The following PRXL2C variants were observed in gnomAD, a reference collection of about 807,000 sequenced individuals.
PRXL2C encodes the protein peroxiredoxin-like 2C.
In PRXL2C, 38 loss-of-function variants were observed where a neutral mutation model predicts 24.9. The ratio of observed to expected loss-of-function variants is 1.53; its 90% confidence interval spans 1.18 to 2.00. The LOEUF (loss-of-function observed/expected upper bound fraction) is 2.00, where lower values mean the gene tolerates loss of function less well. Ranked by LOEUF, PRXL2C falls within the 30% of genes most tolerant of loss-of-function variation. PRXL2C has a pLI of 0.00. For missense variants in PRXL2C, 294 were observed against 290.9 expected (o/e 1.01, Z -0.08); for synonymous variants, 98 against 117.2 (o/e 0.84, Z 1.06).
Position 96,641,803 on chromosome 9 carries a change from G to C in PRXL2C, c.637C>G (p.Gln213Glu), listed in dbSNP as rs1233920951. ...INSVLQLVGV[Q>E]HVNFTNRPSV... ...GGTCTGTTTGTAAAGTTCACATGCT[G>C]AACTCCTACAAGCTGTAAAACAGAG... The change falls in exon 6 of 6, where the codon CAG becomes GAG. Residue 213 changes from glutamine (Q) to glutamate (E), a missense_variant. Coordinates refer to ENST00000375234, the MANE Select transcript of PRXL2C (RefSeq NM_153698.2). The C allele has an allele frequency of 1.9e-6, 3 of 1,582,728 alleles. No individual in the cohort carries two copies. The African/African-American group carries it at 4.0e-5, about 21-fold the overall frequency.
At chr9:96,645,468 G>A (rs1848184659) in intron 5 of PRXL2C, among the ~76,000 whole-genome samples, 1 of 152,042 alleles carries the variant, frequency 6.6e-6, no homozygotes, top group African/African-American at 2.4e-5. Context: ...ATGCCAAGAT[G>A]TCCATTTGTA....
intron 5 of PRXL2C, among the ~76,000 whole-genome samples, chr9:96,645,263 T>A (rs1183170494): frequency 6.6e-6 from 1 of 151,846 alleles, no homozygotes; most frequent in Non-Finnish European, 1.5e-5. Context: ...TTCAGAAATG[T>A]TCATCTCCAC....
rs539877696 is a variant in PRXL2C at position 96,646,951 on chromosome 9, C to T, written c.422-927G>A. ...GATTACAGGCATGTGCCACCACGCC[C>T]GGCTAGTTTTCTATTTTTAGTACAG... On this transcript the variant is annotated intron_variant, in intron 4 of 5. Coordinates refer to ENST00000375234, the MANE Select transcript of PRXL2C (RefSeq NM_153698.2). Among the ~76,000 whole-genome samples the T allele has an allele frequency of 9.2e-5, 14 of 152,242 alleles. No homozygotes were observed. In the East Asian group the frequency reaches 1.9e-3, roughly 21 times the overall value.
At chr9:96,650,072 T>C (rs1449231965) in intron 4 of PRXL2C, among the ~76,000 whole-genome samples, 1 of 152,220 alleles carries the variant, frequency 6.6e-6, no homozygotes, top group East Asian at 1.9e-4. Context: ...AGCTGAGACT[T>C]CATCTCCTCT....
rs1314866235 is a variant in PRXL2C, at chr9:96,645,045, T to C, written c.553+848A>G. On this transcript the variant is annotated intron_variant, in intron 5 of 5. Coordinates refer to ENST00000375234, the MANE Select transcript of PRXL2C (RefSeq NM_153698.2). ...CCTCAGCCTCCCGAGTAGCTGGGAC[T>C]ACAGGCACCCGCCACCACGTCCGGC... 2.6e-5 allele frequency among the ~76,000 whole-genome samples: 4 copies of C among 151,520 alleles called. No individual in the cohort carries two copies. The South Asian group carries it at 6.3e-4, about 24-fold the overall frequency.
In PRXL2C at chr9:96,644,892, T is replaced by C. The variant is rs1376745415; in HGVS notation, c.553+1001A>G. The stretch of plus-strand genomic sequence containing the variant: ...TAACTACATGGATTCTTTTTTTTTT[T>C]TTTTTTTTTTTTTTTTTTTTTTTTG... On this transcript the variant is annotated intron_variant, in intron 5 of 5. Coordinates refer to ENST00000375234, the MANE Select transcript of PRXL2C (RefSeq NM_153698.2). 4.0e-4 allele frequency among the ~76,000 whole-genome samples: 36 copies of C among 91,096 alleles called. 1 individual carries two copies. The highest frequency in any genetic ancestry group is 1.6e-3 in the African/African-American group (32 of 20,460). 59.8% of individuals were successfully genotyped at this position (91,096 alleles called of 152,430 possible). A position where few individuals can be genotyped will look rare whatever the true frequency, so the allele number is the denominator to read the frequency against.
chr9:96,644,072 G>A (rs1217679865), intron 5 of PRXL2C, among the ~76,000 whole-genome samples: 1 of 148,188 alleles, frequency 6.7e-6, no homozygotes, highest in Non-Finnish European at 1.5e-5. Context: ...GGCGGAGGTT[G>A]TAGTGAGCCG....
intron 5 of PRXL2C, among the ~76,000 whole-genome samples, chr9:96,644,890 T>C: frequency 1.3e-5 from 1 of 76,550 alleles, no homozygotes; most frequent in African/African-American, 1.2e-4. Context: ...TCTTTTTTTT[T>C]TTTTTTTTTT....
rs1223002824 is a variant in PRXL2C, at chr9:96,640,539, A to AT, written c.*1219_*1220insA. ...CTCAAAAAAAAAAAAAAAAAAAAAA[A>AT]AAAAAAAGCCAGGCAAGGTGGCTCA... On this transcript the variant is annotated 3_prime_UTR_variant, in exon 6 of 6. Coordinates refer to ENST00000375234, the MANE Select transcript of PRXL2C (RefSeq NM_153698.2). 16 of 153,016 alleles carry AT rather than the reference A, an allele frequency of 1.0e-4. No homozygotes were observed. The highest frequency in any genetic ancestry group is 4.1e-4 in the African/African-American group (16 of 39,282). The allele number at this position is 153,016 out of a possible 1,614,324, so 9.5% of individuals were successfully genotyped here. A position where few individuals can be genotyped will look rare whatever the true frequency, so the allele number is the denominator to read the frequency against.
At chr9:96,643,102 T>C (rs973866932) in intron 5 of PRXL2C, among the ~76,000 whole-genome samples, 6 of 152,304 alleles carry the variant, frequency 3.9e-5, no homozygotes, top group African/African-American at 1.4e-4. Flanking sequence ...ATCCAAATAC[T>C]ACAGCATTTT....
At chr9:96,648,008 G>A (rs577301601) in intron 4 of PRXL2C, among the ~76,000 whole-genome samples, 7 of 152,182 alleles carry the variant, frequency 4.6e-5, no homozygotes, top group South Asian at 2.1e-4. Context: ...GGCTCCAATC[G>A]ATTCTCCCAC....
chr9:96,645,900 T>TA lies in PRXL2C; in HGVS notation c.545dup (p.Leu182PhefsTer5). On this transcript the variant is annotated frameshift_variant, in exon 5 of 6. Transcript: ENST00000375234. LOFTEE classifies it high-confidence loss of function. ...CTGGGCTTTGATGCTTACCTGGACCTAAAATGAGGGTTCCACCTTGCTGAG... is the reference window on the plus strand; with the variant it reads ...CTGGGCTTTGATGCTTACCTGGACCTAAAAATGAGGGTTCCACCTTGCTGAG... 6.2e-7 allele frequency: 1 copy of TA among 1,610,120 alleles called. No individual in the cohort carries two copies. The highest frequency in any genetic ancestry group is 1.1e-5 in the South Asian group (1 of 90,460).
At chr9:96,651,738 T>C (rs1458634113) in intron 2 of PRXL2C, 26 bp from the exon 3 acceptor site, 1 of 1,570,436 alleles carries the variant, frequency 6.4e-7, no homozygotes, top group Non-Finnish European at 8.7e-7. Flanking sequence ...AGGACATGTA[T>C]ATATCATTAG....
chr9:96,649,402 TA>T (rs1848238670), intron 4 of PRXL2C, among the ~76,000 whole-genome samples: 1 of 139,686 alleles, frequency 7.2e-6, no homozygotes, highest in Non-Finnish European at 1.5e-5. Context: ...CTATCTCTAC[TA>T]AAAATACAAA....
intron 4 of PRXL2C, among the ~76,000 whole-genome samples, chr9:96,648,188 C>G (rs562241991): frequency 2.0e-5 from 3 of 152,258 alleles, no homozygotes; most frequent in Admixed American, 6.5e-5. Flanking sequence ...CAGGTGTGAG[C>G]CACGACACCC....
intron 2 of PRXL2C, 126 bp downstream of exon 2, chr9:96,654,579 G>C: frequency 1.3e-6 from 1 of 786,970 alleles, no homozygotes; most frequent in Admixed American, 2.3e-5. Context: ...GGAGGGGCGA[G>C]GGTGGAGAGA....
intron 5 of PRXL2C, 123 bp downstream of exon 5, chr9:96,645,770 C>G (rs1848190144): frequency 8.5e-7 from 1 of 1,175,092 alleles, no homozygotes; most frequent in Non-Finnish European, 1.2e-6. Flanking sequence ...GCACTCCAGC[C>G]TTGGCGACAG....
chr9:96,652,939 C>T (rs763539911), intron 2 of PRXL2C, among the ~76,000 whole-genome samples: 2 of 151,910 alleles, frequency 1.3e-5, no homozygotes, highest in Non-Finnish European at 2.9e-5. Context: ...AAAGAAAATG[C>T]GGTATCGGCC....
chr9:96,642,649 G>A (rs183885087), intron 5 of PRXL2C, among the ~76,000 whole-genome samples: 7 of 151,436 alleles, frequency 4.6e-5, no homozygotes, highest in African/African-American at 1.5e-4. Context: ...GGGTTCAAGC[G>A]ATTCTCTTGC....
Sources: allele counts gnomAD v4.1 joint callset (sites outside exome capture counted in the v4.1 genomes callset), GRCh38; gene constraint gnomAD v4.1.1; transcripts MANE v1.5; gene names NCBI Gene and HGNC (gene_info 2026-07-23, HGNC 2026-07-21).